XKR9: variants seen among roughly 807,000 people sequenced by gnomAD.
The protein encoded by XKR9 is XK-related protein 9.
In XKR9, 32 loss-of-function variants were observed where a neutral mutation model predicts 32.0. The observed-to-expected ratio is 1.00, with a 90% CI of 0.76 to 1.34. XKR9 has a LOEUF of 1.34. Ranked by LOEUF, XKR9 falls within the 40% of genes most tolerant of loss-of-function variation. The probability of loss-of-function intolerance (pLI) is 0.00; values close to 1 mark genes in which losing one functional copy is unlikely to be tolerated. For missense variants in XKR9, 546 were observed against 429.7 expected, an observed-to-expected ratio of 1.27 and a Z score of -2.39; for synonymous variants, 168 against 143.4, an observed-to-expected ratio of 1.17 and a Z score of -1.22.
the XKR9 span, among the ~76,000 whole-genome samples, chr8:70,940,825 C>T: frequency 6.6e-6 from 1 of 152,076 alleles, no homozygotes; most frequent in South Asian, 2.1e-4. Context: ...TACCCACTTA[C>T]CTTAAATTTG....
the XKR9 span, among the ~76,000 whole-genome samples, chr8:71,052,363 C>T: frequency 1.9e-3 from 283 of 152,250 alleles, no homozygotes; most frequent in Non-Finnish European, 3.4e-3. Context: ...CGACAGTGGG[C>T]CTGCTGCATG....
the XKR9 span, among the ~76,000 whole-genome samples, chr8:70,869,647 A>G: frequency 6.6e-6 from 1 of 152,206 alleles, no homozygotes; most frequent in Non-Finnish European, 1.5e-5. Flanking sequence ...TCTCAGAGAA[A>G]AAATATTTGT....
At chr8:70,787,660 G>T (rs1380877279) in intron 2 of XKR9, among the ~76,000 whole-genome samples, 2 of 152,094 alleles carry the variant, frequency 1.3e-5, no homozygotes, top group Admixed American at 1.3e-4. Flanking sequence ...ACACCTCCAT[G>T]GCTGTGGTCC....
At chr8:70,932,893 C>A in the XKR9 span, among the ~76,000 whole-genome samples, 1 of 152,132 alleles carries the variant, frequency 6.6e-6, no homozygotes, top group African/African-American at 2.4e-5. Context: ...TTAGGGGGAA[C>A]ACAATTCAGT....
the XKR9 span, among the ~76,000 whole-genome samples, chr8:70,990,863 T>C: frequency 6.6e-6 from 1 of 152,146 alleles, no homozygotes; most frequent in Non-Finnish European, 1.5e-5. Flanking sequence ...GCTTTTAAAA[T>C]GGGTATGGAG....
chr8:70,916,678 A>G, the XKR9 span, among the ~76,000 whole-genome samples: 10 of 152,160 alleles, frequency 6.6e-5, no homozygotes, highest in African/African-American at 2.4e-4. Context: ...AATAATTTTC[A>G]TAAGCTGTCT....
the XKR9 span, among the ~76,000 whole-genome samples, chr8:70,918,405 T>C: frequency 6.6e-6 from 1 of 152,144 alleles, no homozygotes; most frequent in Non-Finnish European, 1.5e-5. Flanking sequence ...AACAAAGCCC[T>C]CAGATACAAA....
At chr8:70,761,055 A>G (rs1003068587) in intron 2 of XKR9, among the ~76,000 whole-genome samples, 1 of 152,222 alleles carries the variant, frequency 6.6e-6, no homozygotes, top group Non-Finnish European at 1.5e-5. Context: ...ATTCTTTTCT[A>G]TGGCTGCATA....
the XKR9 span, among the ~76,000 whole-genome samples, chr8:70,798,526 C>G: frequency 3.3e-5 from 5 of 152,138 alleles, no homozygotes; most frequent in African/African-American, 7.2e-5. Flanking sequence ...TTGGCAATTT[C>G]TTTTGCTCTG....
intron 2 of XKR9, among the ~76,000 whole-genome samples, chr8:70,757,551 G>GTATGTATA (rs1487453461): frequency 5.4e-5 from 3 of 55,712 alleles, no homozygotes; most frequent in Non-Finnish European, 1.9e-4. Flanking sequence ...CTTTCATCAT[G>GTATGTATA]TATGTATGTA....
At chr8:70,824,513 T>C in the XKR9 span, among the ~76,000 whole-genome samples, 1 of 152,090 alleles carries the variant, frequency 6.6e-6, no homozygotes, top group African/African-American at 2.4e-5. Flanking sequence ...AGGAGGTCAG[T>C]AGACCCAAGG....
intron 1 of XKR9, among the ~76,000 whole-genome samples, chr8:70,674,030 T>C (rs1818804362): frequency 6.6e-6 from 1 of 152,080 alleles, no homozygotes. Flanking sequence ...GGTTCAGGTA[T>C]GGTGGCATGA....
chr8:70,814,187 G>A, the XKR9 span, among the ~76,000 whole-genome samples: 11 of 151,864 alleles, frequency 7.2e-5, no homozygotes, highest in East Asian at 1.9e-4. Context: ...GCAAACTATC[G>A]CAAGGACAAA....
At chr8:70,704,283 T>C (rs1805643508) in intron 3 of XKR9, among the ~76,000 whole-genome samples, 2 of 152,190 alleles carry the variant, frequency 1.3e-5, no homozygotes, top group Admixed American at 1.3e-4. Context: ...CCTTTTTCCA[T>C]GAAATTACCC....
At chr8:70,824,375 T>C in the XKR9 span, among the ~76,000 whole-genome samples, 2 of 152,120 alleles carry the variant, frequency 1.3e-5, no homozygotes, top group African/African-American at 4.8e-5. Flanking sequence ...CTATTTCCCT[T>C]CTTTTTGTTA....
the XKR9 span, among the ~76,000 whole-genome samples, chr8:71,023,534 G>C: frequency 6.6e-6 from 1 of 152,180 alleles, no homozygotes; most frequent in Admixed American, 6.5e-5. Context: ...GGCCCTCCAG[G>C]TGGGATATTT....
At chr8:70,888,848 T>C in the XKR9 span, among the ~76,000 whole-genome samples, 2 of 152,084 alleles carry the variant, frequency 1.3e-5, no homozygotes, top group Admixed American at 1.3e-4. Flanking sequence ...GCTGTCTTTG[T>C]TACAATAGAT....
intron 2 of XKR9, among the ~76,000 whole-genome samples, chr8:70,751,224 G>T (rs1201032818): frequency 2.6e-5 from 4 of 152,128 alleles, no homozygotes; most frequent in Admixed American, 2.6e-4. Flanking sequence ...GCCTCCTGGG[G>T]GTTTAAGGGA....
At chr8:70,697,067 C>T (rs999796406) in intron 3 of XKR9, among the ~76,000 whole-genome samples, 6 of 151,606 alleles carry the variant, frequency 4.0e-5, no homozygotes, top group African/African-American at 1.2e-4. Context: ...TGCTTATCAG[C>T]TTAAGGAGAT....
Sources: allele counts gnomAD v4.1 joint callset (sites outside exome capture counted in the v4.1 genomes callset), GRCh38; gene constraint gnomAD v4.1.1; transcripts MANE v1.5; gene names NCBI Gene and HGNC (gene_info 2026-07-23, HGNC 2026-07-21).